NME7: variants seen among roughly 807,000 people sequenced by gnomAD.
NME7 encodes nucleoside diphosphate kinase 7.
NME7 carries 41 observed loss-of-function variants against 49.1 expected under a neutral mutation model. The ratio of observed to expected loss-of-function variants is 0.83; its 90% confidence interval spans 0.65 to 1.08. The LOEUF (loss-of-function observed/expected upper bound fraction) is 1.08. NME7 is among the 50% of genes least tolerant of loss of function. The pLI is 0.00. For missense variants in NME7, 423 were observed against 463.4 expected (o/e 0.91, Z 0.80); for synonymous variants, 139 against 150.6 (o/e 0.92, Z 0.56).
chr1:169,323,044 C>T (rs940329042), intron 3 of NME7, 73 bp downstream of exon 3: 19 of 1,248,090 alleles, frequency 1.5e-5, no homozygotes, highest in Non-Finnish European at 2.0e-5. Context: ...GTTACATACT[C>T]CCAGTCTTGA....
Position 169,354,990 on chromosome 1 carries a change from TAA to T in NME7, c.3+12716_3+12717del, listed in dbSNP as rs1392299600. Among the ~76,000 whole-genome samples the T allele has an allele frequency of 3.4e-3, 159 of 46,536 alleles. 18 individuals carry two copies. Among genetic ancestry groups the T allele is most frequent in the African/African-American group, 6.9e-3 (121 of 17,592 alleles). The allele number at this position is 46,536 out of a possible 152,430, so 30.5% of individuals were successfully genotyped here. A position where few individuals can be genotyped will look rare whatever the true frequency, so the allele number is the denominator to read the frequency against. ...TAATATAATTATATATGTTTATATA[TAA>T]TATAATTATATATGTTTATATATAA... On this transcript the variant is annotated intron_variant, in intron 1 of 11. Transcript: ENST00000367811.
chr1:169,233,031 G>A (rs763011553), intron 9 of NME7, among the ~76,000 whole-genome samples: 1 of 146,400 alleles, frequency 6.8e-6, no homozygotes, highest in East Asian at 2.1e-4. Flanking sequence ...CTATTCTCAC[G>A]CCTCAGCCTC....
At chr1:169,303,261 C>T in intron 4 of NME7, 66 bp from the exon 5 acceptor site, 1 of 729,554 alleles carries the variant, frequency 1.4e-6, no homozygotes. Context: ...TTTTAGCTTA[C>T]ATTAATAAAA....
Position 169,269,856 on chromosome 1 carries a change from T to C in NME7, c.754+17447A>G, listed in dbSNP as rs1278221848. Reference sequence around the variant, plus strand: ...TAAACTTTCTTTGAAACATTCTCCATGAAAATAGAATTATTTTTTACAACC... The same window carrying C: ...TAAACTTTCTTTGAAACATTCTCCACGAAAATAGAATTATTTTTTACAACC... On this transcript the variant is annotated intron_variant, in intron 7 of 11. Transcript: ENST00000367811. 3.7e-5 allele frequency among the ~76,000 whole-genome samples: 5 copies of C among 134,394 alleles called. 2 individuals are homozygous for C. The highest frequency in any genetic ancestry group is 8.7e-5 in the Non-Finnish European group (5 of 57,150). The allele number at this position is 134,394 out of a possible 152,430, so 88.2% of individuals were successfully genotyped here.
intron 10 of NME7, among the ~76,000 whole-genome samples, chr1:169,183,283 G>C (rs1284047877): frequency 1.3e-5 from 2 of 152,064 alleles, no homozygotes; most frequent in Non-Finnish European, 2.9e-5. Context: ...GCATAGAAAA[G>C]ACCAATTCAC....
chr1:169,171,297 G>T (rs912267159), intron 10 of NME7, among the ~76,000 whole-genome samples: 8 of 152,072 alleles, frequency 5.3e-5, no homozygotes, highest in African/African-American at 1.9e-4. Context: ...AGCCTGTGAG[G>T]TCGAGGCTGC....
chr1:169,296,319 C>T (rs1039440435), intron 6 of NME7, among the ~76,000 whole-genome samples: 1 of 152,160 alleles, frequency 6.6e-6, no homozygotes, highest in African/African-American at 2.4e-5. Context: ...ATTCTTAGTC[C>T]TCTTCTTACT....
At chr1:169,252,558 T>C (rs188154429) in intron 7 of NME7, among the ~76,000 whole-genome samples, 54 of 152,316 alleles carry the variant, frequency 3.5e-4, no homozygotes, top group African/African-American at 1.3e-3. Flanking sequence ...AGAAGCTCTT[T>C]AGTTTAATTA....
intron 8 of NME7, among the ~76,000 whole-genome samples, chr1:169,236,997 A>C (rs996450849): frequency 1.3e-5 from 2 of 152,110 alleles, no homozygotes; most frequent in Non-Finnish European, 2.9e-5. Flanking sequence ...AGTCAAATGT[A>C]CCGATGAGTA....
chr1:169,264,031 T>C (rs1649241836), intron 7 of NME7, among the ~76,000 whole-genome samples: 1 of 133,338 alleles, frequency 7.5e-6, no homozygotes, highest in African/African-American at 2.5e-5. Flanking sequence ...AATAAGATCC[T>C]TTCAGACAAG....
chr1:169,134,969 G>T (rs1216730777), intron 11 of NME7, among the ~76,000 whole-genome samples: 2 of 119,320 alleles, frequency 1.7e-5, no homozygotes, highest in Non-Finnish European at 3.2e-5. Context: ...GAGCCCAGGA[G>T]TTCAAGATCA....
At chr1:169,354,939 T>A in intron 1 of NME7, among the ~76,000 whole-genome samples, 1 of 100,072 alleles carries the variant, frequency 1.0e-5, no homozygotes, top group Non-Finnish European at 1.8e-5. Context: ...ATCTATTATG[T>A]ATTATATATT....
At chr1:169,221,649 G>A (rs1661142946) in intron 10 of NME7, among the ~76,000 whole-genome samples, 1 of 151,506 alleles carries the variant, frequency 6.6e-6, no homozygotes, top group African/African-American at 2.4e-5. Context: ...TGTGTGCCAG[G>A]TAGTATATGT....
intron 7 of NME7, among the ~76,000 whole-genome samples, chr1:169,274,356 C>G (rs1323423480): frequency 7.5e-6 from 1 of 132,576 alleles, no homozygotes; most frequent in East Asian, 2.0e-4. Context: ...ATTGTAGATT[C>G]TGGATATTAG....
chr1:169,289,347 T>C (rs1030988460), intron 6 of NME7, among the ~76,000 whole-genome samples: 1 of 152,174 alleles, frequency 6.6e-6, no homozygotes, highest in Non-Finnish European at 1.5e-5. Context: ...TTATTACTTG[T>C]TCACTAGCAG....
At chr1:169,216,950 A>G (rs921059129) in intron 10 of NME7, among the ~76,000 whole-genome samples, 1 of 152,206 alleles carries the variant, frequency 6.6e-6, no homozygotes, top group Non-Finnish European at 1.5e-5. Flanking sequence ...TAGCTCTTCA[A>G]TGTCCTCACC....
At chr1:169,206,091 A>T (rs888913437) in intron 10 of NME7, among the ~76,000 whole-genome samples, 1 of 152,052 alleles carries the variant, frequency 6.6e-6, no homozygotes, top group African/African-American at 2.4e-5. Context: ...TTTTCTGGAA[A>T]ACCCTATTTC....
chr1:169,195,889 G>C (rs1571282042), intron 10 of NME7, among the ~76,000 whole-genome samples: 1 of 130,178 alleles, frequency 7.7e-6, no homozygotes, highest in African/African-American at 2.6e-5. Context: ...AAATGGTATA[G>C]TATGTTTAGA....
chr1:169,234,306 G>A (rs148684053), intron 9 of NME7, among the ~76,000 whole-genome samples: 118 of 152,166 alleles, frequency 7.8e-4, no homozygotes, highest in Admixed American at 1.4e-3. Context: ...CAGGCAGTAT[G>A]TTTTTTGTTC....
Sources: allele counts gnomAD v4.1 joint callset (sites outside exome capture counted in the v4.1 genomes callset), GRCh38; gene constraint gnomAD v4.1.1; transcripts MANE v1.5; gene names NCBI Gene and HGNC (gene_info 2026-07-23, HGNC 2026-07-21).